RASAL1: variants seen among roughly 807,000 people sequenced by gnomAD.
RASAL1 encodes RAS protein activator like 1.
RASAL1 carries 72 observed loss-of-function variants against 96.6 expected under a neutral mutation model. The ratio of observed to expected loss-of-function variants is 0.75; its 90% CI spans 0.62 to 0.91. The LOEUF is 0.91. Ranked by LOEUF, RASAL1 falls within the 40% of genes least tolerant of loss-of-function variation. The probability of loss-of-function intolerance (pLI) is 0.00; values close to 1 mark genes in which losing one functional copy is unlikely to be tolerated. For synonymous variants in RASAL1, 405 were observed against 430.4 expected, an observed-to-expected ratio of 0.94 and a Z score of 0.73; for missense variants, 1,016 against 1,072.5, an observed-to-expected ratio of 0.95 and a Z score of 0.74.
rs572194285 is a variant in RASAL1 at position 113,130,449 on chromosome 12, C to G, written c.122+436G>C. Among the ~76,000 whole-genome samples the G allele has an allele frequency of 2.4e-4, 37 of 152,222 alleles. No individual in the cohort carries two copies. Among genetic ancestry groups the G allele is most frequent in the Non-Finnish European group, 5.1e-4 (35 of 68,024 alleles). ...ACACACGTGGTCACAGGCACTCACA[C>G]TAGCCCCGCAACATCCCCCACCCCC... On this transcript the variant is annotated intron_variant, in intron 2 of 20. Transcript: ENST00000548055. The surrounding 1 kb of genome is among the most constrained non-coding windows in gnomAD (Gnocchi z 5.1).
chr12:113,128,007 C>A, intron 3 of RASAL1, 58 bp downstream of exon 3: 1 of 1,578,152 alleles, frequency 6.3e-7, no homozygotes, highest in Non-Finnish European at 8.7e-7. Flanking sequence ...CCCCTCTCCC[C>A]TCAGGTGCCC....
chr12:113,108,310 GT>G (rs1191208302), intron 13 of RASAL1, 88 bp from the exon 14 acceptor site: 1 of 1,453,760 alleles, frequency 6.9e-7, no homozygotes, highest in East Asian at 2.6e-5. Context: ...GAAATTCGTG[GT>G]GCAAAGAGAA....
rs1451167892 is a variant in RASAL1, at chr12:113,104,277, A to G, written c.1852T>C (p.Ser618Pro). The G allele has an allele frequency of 3.2e-6, 5 of 1,579,128 alleles. No individual in the cohort carries two copies. The highest frequency in any genetic ancestry group is 4.3e-6 in the Non-Finnish European group (5 of 1,162,656). The part of the protein sequence containing the change: ...EWQMCHSIPV[S>P]HIRAVERVDE... ...ACGCGCTCCACGGCGCGGATGTGAG[A>G]CACGGGGATGGAGTGACACATCTGG... The change falls in exon 17 of 21, where the codon TCT (serine) becomes CCT (proline). Residue 618 changes from serine to proline, a missense_variant. Coordinates refer to ENST00000548055, the MANE Select transcript of RASAL1 (RefSeq NM_001301202.2).
In RASAL1 at chr12:113,115,414, TG is replaced by T; in HGVS notation, c.1004-151del. On this transcript the variant is annotated intron_variant, in intron 10 of 20. Transcript: ENST00000548055. This position sits in a 1 kb window ranked among gnomAD's most constrained non-coding sequence, Gnocchi z 4.1. Reference sequence around the variant, plus strand: ...CCATTCACAGTACAGAGGCCCGGAGTGGTTAAGTGAATTGCCTGAGGTCACA... The same window carrying T: ...CCATTCACAGTACAGAGGCCCGGAGTGTTAAGTGAATTGCCTGAGGTCACA... 1.0e-6 allele frequency: 1 copy of T among 960,260 alleles called. No homozygotes were observed. Among genetic ancestry groups the T allele is most frequent in the Non-Finnish European group, 1.6e-6 (1 of 627,044 alleles). 59.5% of individuals were successfully genotyped at this position (960,260 alleles called of 1,614,324 possible).
At position 113,114,979 on chromosome 12, in the gene RASAL1, C is replaced by T. The variant is rs1315267700; in HGVS notation, c.1069-67G>A. 20 of 1,309,704 alleles carry T rather than the reference C, an allele frequency of 1.5e-5. 1 individual carries two copies. The highest frequency in any genetic ancestry group is 7.1e-5 in the South Asian group (6 of 84,400). The allele number at this position is 1,309,704 out of a possible 1,614,324, so 81.1% of individuals were successfully genotyped here. A position where few individuals can be genotyped will look rare whatever the true frequency, so the allele number is the denominator to read the frequency against. On this transcript the variant is annotated intron_variant, in intron 11 of 20. Coordinates refer to ENST00000548055, the MANE Select transcript of RASAL1 (RefSeq NM_001301202.2). Reference sequence around the variant, plus strand: ...GGCCGGGGCATGCCCATGAGCTGGGCGCAGGGGGGACCATGCAGGAAGAGG... The same window carrying T: ...GGCCGGGGCATGCCCATGAGCTGGGTGCAGGGGGGACCATGCAGGAAGAGG...
intron 18 of RASAL1, among the ~76,000 whole-genome samples, chr12:113,103,327 C>A (rs997555372): frequency 1.3e-5 from 2 of 151,486 alleles, no homozygotes; most frequent in Non-Finnish European, 2.9e-5. Context: ...AACAAAAGGC[C>A]GGGCACGGTG....
intron 18 of RASAL1, chr12:113,103,011 CT>C: frequency 3.6e-6 from 1 of 279,448 alleles, no homozygotes; most frequent in South Asian, 3.1e-5. Flanking sequence ...GCAGCACCTC[CT>C]CCAGGAAGCC....
In RASAL1 at chr12:113,099,405, C is replaced by G. The variant is rs1409301327; in HGVS notation, c.*524G>C. 1 of 152,388 alleles carries G rather than the reference C, an allele frequency of 6.6e-6. No individual in the cohort carries two copies. The highest frequency in any genetic ancestry group is 1.9e-4 in the East Asian group (1 of 5,208). The allele number at this position is 152,388 out of a possible 1,614,324, so 9.4% of individuals were successfully genotyped here. ...ACTGGACCCCCACCCAGCCTTGGTTCTTCCTGAGGGCACCTGATTCTGGAA... is the reference window on the plus strand; with the variant it reads ...ACTGGACCCCCACCCAGCCTTGGTTGTTCCTGAGGGCACCTGATTCTGGAA... On this transcript the variant is annotated 3_prime_UTR_variant, in exon 21 of 21. Coordinates refer to ENST00000548055, the MANE Select transcript of RASAL1 (RefSeq NM_001301202.2).
In RASAL1 at chr12:113,107,229, T is replaced by C. The variant is rs1044938952; in HGVS notation, c.1525A>G (p.Ile509Val). Reference sequence around the variant, plus strand: ...CCCAGCTGCTGGCCCAGGTTTCCAATGCTCTGCACAGCCTGGAGCAAAGAA... The same window carrying C: ...CCCAGCTGCTGGCCCAGGTTTCCAACGCTCTGCACAGCCTGGAGCAAAGAA... ...LLLLAKAVQSIGNLGQQLGQG... is the reference protein window; with the variant it reads ...LLLLAKAVQSVGNLGQQLGQG... Residue 509 changes from isoleucine (I) to valine (V), a missense_variant, in exon 15 of 21, where the codon ATT (isoleucine) becomes GTT (valine). Ile to Val is a conservative substitution (Grantham distance 29). Transcript: ENST00000548055. 9.9e-6 allele frequency: 16 copies of C among 1,608,878 alleles called. No individual in the cohort carries two copies. Among genetic ancestry groups the C allele is most frequent in the Non-Finnish European group, 1.3e-5 (15 of 1,177,234 alleles).
intron 1 of RASAL1, among the ~76,000 whole-genome samples, chr12:113,134,019 C>T (rs894794187): frequency 6.6e-6 from 1 of 152,184 alleles, no homozygotes; most frequent in Non-Finnish European, 1.5e-5. Context: ...GAGTGAGAAC[C>T]CCGTTTCTGG....
chr12:113,103,844 A>G, intron 18 of RASAL1, 102 bp downstream of exon 18: 1 of 1,462,602 alleles, frequency 6.8e-7, no homozygotes, highest in Non-Finnish European at 9.3e-7. Flanking sequence ...AGAGAGGTTG[A>G]GTAACTTGCC....
chr12:113,107,494 A>G (rs888835178), intron 14 of RASAL1: 5 of 586,744 alleles, frequency 8.5e-6, no homozygotes, highest in Non-Finnish European at 1.6e-5. Flanking sequence ...GTGGTGGCTC[A>G]CGCCTGTAAA....
intron 13 of RASAL1, among the ~76,000 whole-genome samples, chr12:113,108,837 C>T (rs1467986291): frequency 1.6e-5 from 2 of 121,594 alleles, no homozygotes; most frequent in African/African-American, 3.1e-5. Context: ...TTTTTTCTTT[C>T]TTTTTTTTTT....
chr12:113,107,704 CT>C (rs1378717049), intron 14 of RASAL1: 1 of 396,144 alleles, frequency 2.5e-6, no homozygotes, highest in Non-Finnish European at 4.9e-6. Context: ...GGAATCTGCA[CT>C]CCCCACTAAC....
intron 18 of RASAL1, chr12:113,103,187 TTA>T (rs908246794): frequency 2.0e-5 from 3 of 151,124 alleles, no homozygotes; most frequent in African/African-American, 7.3e-5. Context: ...ATATATTATT[TTA>T]TATATATTTT....
intron 2 of RASAL1, among the ~76,000 whole-genome samples, chr12:113,128,676 C>T (rs73207099): frequency 0.05 from 7,597 of 152,140 alleles, 254 homozygotes; most frequent in Middle Eastern, 0.082. Context: ...GACAGAGTTG[C>T]TCACAGATAC....
intron 12 of RASAL1, among the ~76,000 whole-genome samples, chr12:113,114,473 CAA>C (rs35235298): frequency 0.03 from 4,208 of 138,692 alleles, 130 homozygotes; most frequent in African/African-American, 0.088. Flanking sequence ...AACCTTGTCT[CAA>C]AAAAAAAAAA....
intron 5 of RASAL1, among the ~76,000 whole-genome samples, chr12:113,119,663 T>G (rs1951216991): frequency 1.3e-5 from 2 of 152,006 alleles, no homozygotes. Context: ...ATTTTTCAGA[T>G]GAGGAAACTG....
chr12:113,103,790 G>T (rs1348955318), intron 18 of RASAL1, 156 bp downstream of exon 18: 2 of 949,154 alleles, frequency 2.1e-6, no homozygotes, highest in East Asian at 2.7e-5. Context: ...CACGAGATAG[G>T]CACTGTTATC....
Sources: allele counts gnomAD v4.1 joint callset (sites outside exome capture counted in the v4.1 genomes callset), GRCh38; gene constraint gnomAD v4.1.1; non-coding constraint Gnocchi (gnomAD v3.1); transcripts MANE v1.5; gene names NCBI Gene and HGNC (gene_info 2026-07-23, HGNC 2026-07-21).